Variants in RIPOR3 observed in about 807,000 individuals in gnomAD.
RIPOR3 encodes family with sequence similarity 65 member C.
In RIPOR3, 95 loss-of-function variants were observed where a neutral mutation model predicts 114.3. The observed-to-expected ratio is 0.83, with a 90% confidence interval of 0.70 to 0.99. RIPOR3 has a LOEUF of 0.99. RIPOR3 is among the 50% of genes least tolerant of loss of function. The pLI, the probability that RIPOR3 is intolerant of heterozygous loss-of-function variation, is 0.00. For synonymous variants in RIPOR3, 575 were observed against 543.8 expected, an observed-to-expected ratio of 1.06 and a Z score of -0.80; for missense variants, 1,252 against 1,266.9, an observed-to-expected ratio of 0.99 and a Z score of 0.18.
chr20:50,619,513 G>A (rs1351110078), intron 3 of RIPOR3, among the ~76,000 whole-genome samples: 1 of 151,670 alleles, frequency 6.6e-6, no homozygotes, highest in Non-Finnish European at 1.5e-5. Context: ...CTCATCAGTT[G>A]GTCTCTGAGC....
At position 50,587,803 on chromosome 20, in the gene RIPOR3, G is replaced by A. The variant is rs1338715369; in HGVS notation, c.2751C>T (p.Phe917=). The change falls in exon 21 of 22, where the codon TTC becomes TTT. Residue 917 remains phenylalanine, a splice_region_variant and synonymous_variant. Coordinates refer to ENST00000327979, the MANE Select transcript of RIPOR3 (RefSeq NM_001290268.2). ...TGCACAGTTTGTGCCACTTTTTACC[G>A]AACGACAGTGTGGTTTCCCGGGCTG... The part of the protein sequence containing the change: ...RAAARETTLS[F]GEKGRLAFEK... The A allele has an allele frequency of 7.4e-6, 12 of 1,614,150 alleles. No homozygotes were observed. Among genetic ancestry groups the A allele is most frequent in the African/African-American group, 6.7e-5 (5 of 75,070 alleles).
chr20:50,676,590 T>A (rs2086683937), intron 1 of RIPOR3, among the ~76,000 whole-genome samples: 1 of 151,898 alleles, frequency 6.6e-6, no homozygotes. Flanking sequence ...AGGTCAAGGC[T>A]GCAGTGAGCC....
chr20:50,655,794 G>T (rs536480038), intron 1 of RIPOR3, among the ~76,000 whole-genome samples: 1 of 151,486 alleles, frequency 6.6e-6, no homozygotes, highest in Non-Finnish European at 1.5e-5. Context: ...AGATGAACAC[G>T]AACTGAGTTC....
chr20:50,629,723 C>T (rs535106468), intron 2 of RIPOR3, among the ~76,000 whole-genome samples: 50 of 152,242 alleles, frequency 3.3e-4, no homozygotes, highest in Middle Eastern at 3.4e-3. Flanking sequence ...CCGACAGCCC[C>T]GTGAGCAGGG....
At chr20:50,616,867 G>A (rs1168619489) in intron 3 of RIPOR3, among the ~76,000 whole-genome samples, 1 of 152,180 alleles carries the variant, frequency 6.6e-6, no homozygotes, top group African/African-American at 2.4e-5. Context: ...TCTAGGCCGG[G>A]CGCCGTGGCT....
intron 1 of RIPOR3, among the ~76,000 whole-genome samples, chr20:50,684,603 G>A (rs1189379677): frequency 6.6e-6 from 1 of 152,188 alleles, no homozygotes; most frequent in African/African-American, 2.4e-5. Context: ...GCTGCACACG[G>A]AGAGTAGACC....
chr20:50,623,432 CAGAG>C (rs1457408679), intron 2 of RIPOR3, among the ~76,000 whole-genome samples: 1 of 151,980 alleles, frequency 6.6e-6, no homozygotes, highest in Non-Finnish European at 1.5e-5. Flanking sequence ...CAGCTGGAGA[CAGAG>C]GGAGCAAAGG....
At chr20:50,587,747 G>A in intron 21 of RIPOR3, 55 bp downstream of exon 21, 2 of 1,567,560 alleles carry the variant, frequency 1.3e-6, no homozygotes, top group Admixed American at 3.4e-5. Context: ...GCCTCTCGCA[G>A]ATTCTAAGGG....
intron 1 of RIPOR3, among the ~76,000 whole-genome samples, chr20:50,690,904 C>T (rs547845393): frequency 6.0e-4 from 92 of 152,328 alleles, no homozygotes; most frequent in African/African-American, 2.1e-3. Flanking sequence ...GTTTTAGAAA[C>T]GGACAAATGG....
intron 1 of RIPOR3, among the ~76,000 whole-genome samples, chr20:50,678,726 C>T (rs988932922): frequency 5.3e-5 from 8 of 152,050 alleles, no homozygotes; most frequent in African/African-American, 1.4e-4. Flanking sequence ...CAAAAGCTGG[C>T]GTTGACACAG....
chr20:50,588,106 G>A (rs917762442), intron 20 of RIPOR3, among the ~76,000 whole-genome samples: 1 of 152,180 alleles, frequency 6.6e-6, no homozygotes, highest in Admixed American at 6.5e-5. Flanking sequence ...CCTTACACCC[G>A]CTAGGGAGCC....
In RIPOR3 at chr20:50,594,703, C is replaced by G. The variant is rs2083229834; in HGVS notation, c.2062G>C (p.Ala688Pro). The G allele has an allele frequency of 6.2e-7, 1 of 1,610,112 alleles. No individual in the cohort carries two copies. Among genetic ancestry groups the G allele is most frequent in the Non-Finnish European group, 8.5e-7 (1 of 1,177,164 alleles). Reference protein sequence around the residue: ...ATSIEEIIPQASRTKGCLKLW... With the variant: ...ATSIEEIIPQPSRTKGCLKLW... ...TTCAGGCACCCCTTCGTCCGCGAGG[C>G]CTGTGGGATGACTGAAAGCCCCAGT... The change falls in exon 17 of 22, where the codon GCC becomes CCC. Residue 688 changes from alanine (A) to proline (P), a missense_variant. By Grantham distance (27) the Ala-to-Pro change is conservative (BLOSUM62 -1). Coordinates refer to ENST00000327979, the MANE Select transcript of RIPOR3 (RefSeq NM_001290268.2).
chr20:50,643,667 G>A (rs2085285068), intron 1 of RIPOR3, among the ~76,000 whole-genome samples: 1 of 151,404 alleles, frequency 6.6e-6, no homozygotes, highest in South Asian at 2.1e-4. Context: ...GTATGTACTT[G>A]TAGTCCCAGC....
chr20:50,592,751 C>T (rs1474827689), intron 18 of RIPOR3, among the ~76,000 whole-genome samples: 1 of 152,180 alleles, frequency 6.6e-6, no homozygotes, highest in African/African-American at 2.4e-5. Flanking sequence ...CAAATATGCT[C>T]CATAAATTAA....
intron 1 of RIPOR3, among the ~76,000 whole-genome samples, chr20:50,684,579 A>G (rs1375021127): frequency 6.6e-6 from 1 of 152,194 alleles, no homozygotes; most frequent in Non-Finnish European, 1.5e-5. Context: ...TTTCATTTTA[A>G]CAGGACCCTG....
At chr20:50,658,124 C>T (rs1209047269) in intron 1 of RIPOR3, among the ~76,000 whole-genome samples, 1 of 152,140 alleles carries the variant, frequency 6.6e-6, no homozygotes, top group African/African-American at 2.4e-5. Context: ...AAAGCAGGGA[C>T]TCTAACAAAT....
chr20:50,640,116 C>A (rs2085135322), intron 1 of RIPOR3, among the ~76,000 whole-genome samples: 2 of 152,178 alleles, frequency 1.3e-5, no homozygotes, highest in South Asian at 4.1e-4. Context: ...GGGCACCTTC[C>A]CCTCACACGA....
At chr20:50,669,135 G>T (rs2086370956) in intron 1 of RIPOR3, among the ~76,000 whole-genome samples, 1 of 151,528 alleles carries the variant, frequency 6.6e-6, no homozygotes, top group Non-Finnish European at 1.5e-5. Context: ...TGCACACATG[G>T]TGCACACTCA....
Position 50,643,562 on chromosome 20 carries a change from T to C in RIPOR3, c.4-12706A>G, listed in dbSNP as rs182010899. 9.9e-5 allele frequency among the ~76,000 whole-genome samples: 15 copies of C among 152,058 alleles called. No individual in the cohort carries two copies. The East Asian group carries it at 2.6e-3, about 26-fold the overall frequency. ...GAAAAAAAAAGTTGGGCACATGTTC[T>C]CAGGACCCCCTGAGGCTATGTCTTG... On this transcript the variant is annotated intron_variant, in intron 1 of 21. Coordinates refer to ENST00000327979, the MANE Select transcript of RIPOR3 (RefSeq NM_001290268.2).
Sources: allele counts gnomAD v4.1 joint callset (sites outside exome capture counted in the v4.1 genomes callset), GRCh38; gene constraint gnomAD v4.1.1; transcripts MANE v1.5; gene names NCBI Gene and HGNC (gene_info 2026-07-23, HGNC 2026-07-21).